The following WWOX variants were observed in gnomAD, a reference collection of about 807,000 sequenced individuals.
The protein encoded by WWOX is WW domain-containing oxidoreductase.
WWOX carries 69 observed loss-of-function variants against 46.2 expected under a neutral mutation model. That is an observed-to-expected ratio of 1.49 (90% CI 1.23 to 1.82). The LOEUF (loss-of-function observed/expected upper bound fraction) is 1.82, where lower values mean the gene tolerates loss of function less well. Ranked by LOEUF, WWOX falls within the 40% of genes most tolerant of loss-of-function variation. The probability of loss-of-function intolerance (pLI) is 0.00; values close to 1 mark genes in which losing one functional copy is unlikely to be tolerated. For missense variants in WWOX, 919 were observed against 542.6 expected, an observed-to-expected ratio of 1.69 and a Z score of -6.89; for synonymous variants, 359 against 202.6, an observed-to-expected ratio of 1.77 and a Z score of -6.56.
intron 8 of WWOX, among the ~76,000 whole-genome samples, chr16:78,530,372 G>C (rs1207589213): frequency 6.6e-6 from 1 of 152,168 alleles, no homozygotes; most frequent in Non-Finnish European, 1.5e-5. Flanking sequence ...GCAGATGTGG[G>C]GGATTTTATT....
intron 5 of WWOX, among the ~76,000 whole-genome samples, chr16:78,317,695 A>G (rs565799946): frequency 3.3e-5 from 5 of 152,236 alleles, no homozygotes; most frequent in African/African-American, 1.2e-4. Flanking sequence ...GACTCTGTCC[A>G]GAGAGTAAGC....
intron 8 of WWOX, among the ~76,000 whole-genome samples, chr16:79,118,412 T>A (rs1157474485): frequency 6.6e-6 from 1 of 152,198 alleles, no homozygotes; most frequent in African/African-American, 2.4e-5. Context: ...CCAAAACTGA[T>A]ATAATAATAA....
At chr16:78,914,644 C>T (rs1045010851) in intron 8 of WWOX, among the ~76,000 whole-genome samples, 20 of 151,862 alleles carry the variant, frequency 1.3e-4, no homozygotes, top group African/African-American at 2.9e-4. Context: ...CTTTGGGAGG[C>T]GGAGGCGGGC....
At chr16:78,474,071 G>A (rs1439114089) in intron 8 of WWOX, among the ~76,000 whole-genome samples, 2 of 152,158 alleles carry the variant, frequency 1.3e-5, no homozygotes, top group African/African-American at 2.4e-5. Context: ...TGACATTGAG[G>A]ACGTCTTCTT....
rs1478941123 is a variant in WWOX, at chr16:78,295,041, C to T, written c.517-91819C>T. ...GGTTGTCCCCTGCCCAGGACAGGCT[C>T]ACCCTGGCCTGTGTCCTAGGTATTG... On this transcript the variant is annotated intron_variant, in intron 5 of 8. Transcript: ENST00000566780. 3.3e-5 allele frequency among the ~76,000 whole-genome samples: 5 copies of T among 152,166 alleles called. No individual in the cohort carries two copies. In the East Asian group the frequency reaches 9.7e-4, roughly 30 times the overall value.
At chr16:78,440,288 C>T (rs1048930980) in intron 8 of WWOX, among the ~76,000 whole-genome samples, 4 of 152,130 alleles carry the variant, frequency 2.6e-5, no homozygotes, top group Non-Finnish European at 2.9e-5. Flanking sequence ...CTTGACCCAC[C>T]ATACCTCAAG....
At chr16:78,120,104 A>G (rs2033012032) in intron 4 of WWOX, among the ~76,000 whole-genome samples, 1 of 152,094 alleles carries the variant, frequency 6.6e-6, no homozygotes, top group South Asian at 2.1e-4. Flanking sequence ...TGGGACTGAC[A>G]CTTGCATTTT....
In WWOX at chr16:78,340,028, G is replaced by GT. The variant is rs1567511775; in HGVS notation, c.517-46832_517-46831insT. Among the ~76,000 whole-genome samples the GT allele has an allele frequency of 1.0e-4, 4 of 38,504 alleles. 1 individual carries two copies. Among genetic ancestry groups the GT allele is most frequent in the African/African-American group, 1.6e-4 (2 of 12,448 alleles). The allele number at this position is 38,504 out of a possible 152,430, so 25.3% of individuals were successfully genotyped here. A position where few individuals can be genotyped will look rare whatever the true frequency, so the allele number is the denominator to read the frequency against. On this transcript the variant is annotated intron_variant, in intron 5 of 8. Coordinates refer to ENST00000566780, the MANE Select transcript of WWOX (RefSeq NM_016373.4). Reference sequence around the variant, plus strand: ...TTCCATGGATTTGGTGGGGGGGGGGGGGACGTTTCTATTTCCTTTATGTTT... The same window carrying GT: ...TTCCATGGATTTGGTGGGGGGGGGGGTGGACGTTTCTATTTCCTTTATGTTT...
intron 5 of WWOX, among the ~76,000 whole-genome samples, chr16:78,361,590 C>T (rs532064931): frequency 6.6e-6 from 1 of 151,982 alleles, no homozygotes; most frequent in African/African-American, 2.4e-5. Flanking sequence ...AAAGAGCTAT[C>T]CCTTCTCCCC....
intron 5 of WWOX, among the ~76,000 whole-genome samples, chr16:78,382,165 G>C (rs181837218): frequency 3.9e-4 from 60 of 152,314 alleles, no homozygotes; most frequent in African/African-American, 1.3e-3. Context: ...GACTGAGTTA[G>C]TTGTTGTTGT....
intron 8 of WWOX, among the ~76,000 whole-genome samples, chr16:78,489,524 C>T (rs1435061081): frequency 6.6e-6 from 1 of 152,058 alleles, no homozygotes; most frequent in African/African-American, 2.4e-5. Flanking sequence ...TTTCATTCTC[C>T]CCTTAGCAGC....
chr16:79,170,549 C>G (rs151082819), intron 8 of WWOX, among the ~76,000 whole-genome samples: 2 of 152,236 alleles, frequency 1.3e-5, no homozygotes, highest in African/African-American at 4.8e-5. Flanking sequence ...TGAAATCTGA[C>G]TGTAAATTAC....
At chr16:78,730,218 A>C (rs1017701308) in intron 8 of WWOX, among the ~76,000 whole-genome samples, 3 of 152,056 alleles carry the variant, frequency 2.0e-5, no homozygotes, top group Admixed American at 6.6e-5. Context: ...TTGCTTCCCA[A>C]AAAGCGTCTC....
chr16:79,049,435 G>A (rs373246488), intron 8 of WWOX, among the ~76,000 whole-genome samples: 4 of 152,188 alleles, frequency 2.6e-5, no homozygotes, highest in East Asian at 3.9e-4. Flanking sequence ...GAGGGGCATC[G>A]ATATTCTGGT....
At chr16:78,314,711 T>TTTTTTTTTTTTTTTG (rs2080325316) in intron 5 of WWOX, among the ~76,000 whole-genome samples, 1 of 140,714 alleles carries the variant, frequency 7.1e-6, no homozygotes, top group African/African-American at 2.8e-5. Flanking sequence ...GTTTTTTTTT[T>TTTTTTTTTTTTTTTG]TTTTTTTTTT....
At position 78,983,724 on chromosome 16, in the gene WWOX, A is replaced by G. The variant is rs78501836; in HGVS notation, c.1057-227884A>G. 6.3e-3 allele frequency among the ~76,000 whole-genome samples: 952 copies of G among 152,316 alleles called. 17 individuals carry two copies. The highest frequency in any genetic ancestry group is 0.022 in the African/African-American group (907 of 41,574). On this transcript the variant is annotated intron_variant, in intron 8 of 8. Coordinates refer to ENST00000566780, the MANE Select transcript of WWOX (RefSeq NM_016373.4). ...CGTGGAGCACATCTCCTTCTGGTCA[A>G]TAAGGCATTTCAGGAGTGAGAGATA...
intron 8 of WWOX, among the ~76,000 whole-genome samples, chr16:78,443,178 G>A (rs899036811): frequency 1.2e-4 from 18 of 148,152 alleles, no homozygotes; most frequent in Non-Finnish European, 1.8e-4. Context: ...GGTGACTCGT[G>A]TCTATTGTCC....
chr16:78,388,076 A>G (rs1182668976), intron 6 of WWOX, among the ~76,000 whole-genome samples: 1 of 152,172 alleles, frequency 6.6e-6, no homozygotes, highest in Non-Finnish European at 1.5e-5. Context: ...TGTGTCACCC[A>G]GGTTGGAACG....
intron 8 of WWOX, among the ~76,000 whole-genome samples, chr16:79,177,546 C>T (rs987280645): frequency 2.6e-5 from 4 of 152,126 alleles, no homozygotes; most frequent in African/African-American, 9.7e-5. Flanking sequence ...ATTCTCTTGT[C>T]TCTAATCAAT....
Sources: allele counts gnomAD v4.1 joint callset (sites outside exome capture counted in the v4.1 genomes callset), GRCh38; gene constraint gnomAD v4.1.1; transcripts MANE v1.5; gene names NCBI Gene and HGNC (gene_info 2026-07-23, HGNC 2026-07-21).